ADCK1: variants seen among roughly 807,000 people sequenced by gnomAD.
ADCK1 encodes aarF domain-containing protein kinase 1.
Under a neutral mutation model 52.3 loss-of-function variants are expected in ADCK1, and 41 were observed. The ratio of observed to expected loss-of-function variants is 0.78; its 90% CI spans 0.61 to 1.02. ADCK1 has a LOEUF of 1.02. Ranked by LOEUF, ADCK1 falls within the 50% of genes least tolerant of loss-of-function variation. The pLI, the probability that ADCK1 is intolerant of heterozygous loss-of-function variation, is 0.00. For synonymous variants in ADCK1, 250 were observed against 274.6 expected (o/e 0.91, Z 0.89); for missense variants, 658 against 679.5 (o/e 0.97, Z 0.35).
chr14:77,825,444 A>G lies in ADCK1; in HGVS notation c.219+2926A>G, dbSNP rs1327568163. ...ATGGTTATGCCACTTACTCAGGATT[A>G]TGTAGATAATATCTCAGTGCCTTGT... is the stretch of plus-strand genomic sequence containing the variant. On this transcript the variant is annotated intron_variant, in intron 3 of 10. Coordinates refer to ENST00000238561, the MANE Select transcript of ADCK1 (RefSeq NM_020421.4). Among the ~76,000 whole-genome samples, 5 of 152,184 alleles carry G rather than the reference A, an allele frequency of 3.3e-5. No individual in the cohort carries two copies. In the East Asian group the frequency reaches 9.6e-4, roughly 29 times the overall value.
intron 1 of ADCK1, among the ~76,000 whole-genome samples, chr14:77,811,883 A>G (rs146768556): frequency 1.8e-3 from 276 of 152,362 alleles, no homozygotes; most frequent in African/African-American, 6.4e-3. Flanking sequence ...ATATTGGCAT[A>G]ATAAAATGGG....
chr14:77,852,689 ATATATATATATATAT>A (rs1186943434), intron 3 of ADCK1, among the ~76,000 whole-genome samples: 1 of 97,586 alleles, frequency 1.0e-5, no homozygotes, highest in Non-Finnish European at 2.0e-5. Context: ...ATATATATAT[ATATATATATATATAT>A]TTCACTCCTC....
intron 7 of ADCK1, among the ~76,000 whole-genome samples, chr14:77,912,433 C>CGTGT (rs57555913): frequency 0.029 from 3,969 of 138,188 alleles, 75 homozygotes; most frequent in East Asian, 0.073. Context: ...TACGGAGGAG[C>CGTGT]GTGTGTGTGT....
chr14:77,811,655 C>G (rs2081340982), intron 1 of ADCK1, among the ~76,000 whole-genome samples: 1 of 152,080 alleles, frequency 6.6e-6, no homozygotes, highest in Non-Finnish European at 1.5e-5. Context: ...TGATACAAAA[C>G]AATATTAGCC....
At chr14:77,929,219 C>G (rs549735445) in intron 9 of ADCK1, among the ~76,000 whole-genome samples, 3 of 152,290 alleles carry the variant, frequency 2.0e-5, no homozygotes, top group African/African-American at 7.2e-5. Context: ...AGAATGTTTT[C>G]CCCAACTAAC....
intron 3 of ADCK1, among the ~76,000 whole-genome samples, chr14:77,848,663 G>A (rs187375824): frequency 6.6e-6 from 1 of 152,020 alleles, no homozygotes; most frequent in African/African-American, 2.4e-5. Context: ...ATAGGGTTTT[G>A]CCATGTTGGC....
chr14:77,884,806 A>G (rs950514715), intron 4 of ADCK1, among the ~76,000 whole-genome samples: 1 of 152,240 alleles, frequency 6.6e-6, no homozygotes, highest in Non-Finnish European at 1.5e-5. Flanking sequence ...TGATTGGACC[A>G]GTTGAGTTAC....
chr14:77,842,159 AT>A (rs1282332445), intron 3 of ADCK1, among the ~76,000 whole-genome samples: 2 of 151,796 alleles, frequency 1.3e-5, no homozygotes, highest in African/African-American at 2.4e-5. Context: ...TATTATTATT[AT>A]TTTTTTTGCT....
At chr14:77,861,422 G>A (rs1162308944) in intron 4 of ADCK1, among the ~76,000 whole-genome samples, 4 of 152,060 alleles carry the variant, frequency 2.6e-5, no homozygotes, top group African/African-American at 9.7e-5. Context: ...GGGTGTGAGG[G>A]CGGGGTAATG....
chr14:77,824,993 G>A (rs768188346), intron 3 of ADCK1, among the ~76,000 whole-genome samples: 7 of 152,084 alleles, frequency 4.6e-5, no homozygotes, highest in Non-Finnish European at 1.0e-4. Context: ...AAAATATACG[G>A]TATTTGAAAC....
At chr14:77,884,200 G>C (rs545703884) in intron 4 of ADCK1, among the ~76,000 whole-genome samples, 1 of 152,208 alleles carries the variant, frequency 6.6e-6, no homozygotes, top group Admixed American at 6.5e-5. Flanking sequence ...GATGTCAGAT[G>C]ACCCCCAAAT....
chr14:77,898,645 C>A (rs140427357), intron 5 of ADCK1, among the ~76,000 whole-genome samples: 1 of 151,918 alleles, frequency 6.6e-6, no homozygotes, highest in Admixed American at 6.6e-5. Context: ...TGTTGGGCGA[C>A]GGTTGGGGGG....
At chr14:77,878,785 T>C (rs2045506119) in intron 4 of ADCK1, among the ~76,000 whole-genome samples, 1 of 152,184 alleles carries the variant, frequency 6.6e-6, no homozygotes, top group South Asian at 2.1e-4. Context: ...TAGATGTTAT[T>C]AAGATGGGGA....
Position 77,856,077 on chromosome 14 carries a change from G to A in ADCK1, c.220-2999G>A, listed in dbSNP as rs917922721. On this transcript the variant is annotated intron_variant, in intron 3 of 10. Coordinates refer to ENST00000238561, the MANE Select transcript of ADCK1 (RefSeq NM_020421.4). ...ATACAAAAATTAGCTAGGCGTGGTC[G>A]CGGGCCCCTGTAATCCCAGCTACTC... Among the ~76,000 whole-genome samples, 10 of 152,124 alleles carry A rather than the reference G, an allele frequency of 6.6e-5. No individual in the cohort carries two copies. In the East Asian group the frequency reaches 1.2e-3, roughly 18 times the overall value.
intron 4 of ADCK1, among the ~76,000 whole-genome samples, chr14:77,873,749 A>T (rs1009542653): frequency 1.3e-5 from 2 of 152,182 alleles, no homozygotes; most frequent in African/African-American, 4.8e-5. Flanking sequence ...TCCTGCCGCC[A>T]TGTGAAGAAG....
chr14:77,901,633 G>A (rs969867082), intron 6 of ADCK1, among the ~76,000 whole-genome samples: 3 of 152,078 alleles, frequency 2.0e-5, no homozygotes, highest in Middle Eastern at 3.4e-3. Flanking sequence ...CAAATGATCC[G>A]CCTGCCTCGG....
intron 4 of ADCK1, among the ~76,000 whole-genome samples, chr14:77,862,651 C>T (rs1482966950): frequency 6.6e-6 from 1 of 152,190 alleles, no homozygotes; most frequent in South Asian, 2.1e-4. Flanking sequence ...TCTGATGCTC[C>T]GCAGTCTCTG....
At position 77,934,467 on chromosome 14, in the gene ADCK1, C is replaced by T. The variant is rs2084409743; in HGVS notation, c.*1076C>T. The stretch of plus-strand genomic sequence containing the variant: ...TGGCCCCAGTTTTAGGCCTGGAATT[C>T]TACTTGTCTCCCCCCAGTCCTTCTG... On this transcript the variant is annotated 3_prime_UTR_variant, in exon 11 of 11. Coordinates refer to ENST00000238561, the MANE Select transcript of ADCK1 (RefSeq NM_020421.4). 1 of 152,162 alleles carries T rather than the reference C, an allele frequency of 6.6e-6. No individual in the cohort carries two copies. The highest frequency in any genetic ancestry group is 6.5e-5 in the Admixed American group (1 of 15,272). 9.4% of individuals were successfully genotyped at this position (152,162 alleles called of 1,614,324 possible). A position where few individuals can be genotyped will look rare whatever the true frequency, so the allele number is the denominator to read the frequency against.
At chr14:77,856,906 G>A (rs2082428084) in intron 3 of ADCK1, among the ~76,000 whole-genome samples, 1 of 152,098 alleles carries the variant, frequency 6.6e-6, no homozygotes, top group Non-Finnish European at 1.5e-5. Flanking sequence ...GGAGGCTGAG[G>A]TAGGAGAATC....
Sources: allele counts gnomAD v4.1 joint callset (sites outside exome capture counted in the v4.1 genomes callset), GRCh38; gene constraint gnomAD v4.1.1; transcripts MANE v1.5; gene names NCBI Gene and HGNC (gene_info 2026-07-23, HGNC 2026-07-21).